The following CRIM1 variants were observed in gnomAD, a reference collection of about 807,000 sequenced individuals.
The protein encoded by CRIM1 is cysteine-rich motor neuron 1 protein.
In CRIM1, 32 loss-of-function variants were observed where a neutral mutation model predicts 116.4. The observed-to-expected ratio is 0.27, with a 90% confidence interval of 0.21 to 0.37. The LOEUF is 0.37. Ranked by LOEUF, CRIM1 falls within the 10% of genes least tolerant of loss-of-function variation. The pLI, the probability that CRIM1 is intolerant of heterozygous loss-of-function variation, is 1.00. For synonymous variants in CRIM1, 590 were observed against 509.2 expected (o/e 1.16, Z -2.13); for missense variants, 1,331 against 1,354.8 (o/e 0.98, Z 0.28).
chr2:36,451,145 T>C (rs920247451), intron 4 of CRIM1, among the ~76,000 whole-genome samples: 10 of 152,328 alleles, frequency 6.6e-5, no homozygotes, highest in Admixed American at 2.0e-4. Flanking sequence ...GAGGACCTCA[T>C]GGAAGGCAGA....
chr2:36,430,947 T>C (rs1235907008), intron 2 of CRIM1, among the ~76,000 whole-genome samples: 1 of 152,212 alleles, frequency 6.6e-6, no homozygotes, highest in Admixed American at 6.5e-5. Context: ...AGAAATTACC[T>C]ATATAAGGCT....
At chr2:36,535,689 G>GTATC (rs754936942) in intron 13 of CRIM1, among the ~76,000 whole-genome samples, 5 of 152,142 alleles carry the variant, frequency 3.3e-5, no homozygotes, top group Admixed American at 1.3e-4. Context: ...ATTGAGATTT[G>GTATC]TATCTGTGGA....
intron 7 of CRIM1, among the ~76,000 whole-genome samples, chr2:36,482,373 A>G (rs565276337): frequency 1.3e-5 from 2 of 152,356 alleles, no homozygotes; most frequent in East Asian, 3.9e-4. Context: ...TGCACAGCTT[A>G]AGATAATGAT....
rs1668770903 is a variant in CRIM1 at position 36,356,050 on chromosome 2, A to G, written c.-243A>G. ...TTTCCCCCTCCCTCCCGGGAGGAGG[A>G]GGAGGAGGAGGAGGGGAAGCTGCCG... On this transcript the variant is annotated 5_prime_UTR_variant, in exon 1 of 17. Transcript: ENST00000280527. The surrounding 1 kb of genome is among the most constrained non-coding windows in gnomAD (Gnocchi z 4.3). 6.6e-6 allele frequency: 1 copy of G among 152,032 alleles called. No homozygotes were observed. Among genetic ancestry groups the G allele is most frequent in the Non-Finnish European group, 1.4e-5 (1 of 69,390 alleles). The allele number at this position is 152,032 out of a possible 1,614,324, so 9.4% of individuals were successfully genotyped here.
chr2:36,515,297 T>C (rs1410490165), intron 11 of CRIM1, among the ~76,000 whole-genome samples: 3 of 152,220 alleles, frequency 2.0e-5, no homozygotes, highest in Non-Finnish European at 2.9e-5. Context: ...ACCAGAAAGA[T>C]CTTTCTCTAT....
chr2:36,408,309 A>G (rs768215564), intron 2 of CRIM1, among the ~76,000 whole-genome samples: 1 of 151,872 alleles, frequency 6.6e-6, no homozygotes, highest in Non-Finnish European at 1.5e-5. Flanking sequence ...AGCCCTGAGC[A>G]CTCCTGCGCG....
intron 7 of CRIM1, among the ~76,000 whole-genome samples, chr2:36,494,183 A>G (rs1210316301): frequency 6.6e-6 from 1 of 152,208 alleles, no homozygotes; most frequent in Non-Finnish European, 1.5e-5. Context: ...TTAACTTTAT[A>G]TTTTTAATCA....
chr2:36,512,815 T>C (rs1664781031), intron 10 of CRIM1, among the ~76,000 whole-genome samples: 1 of 152,210 alleles, frequency 6.6e-6, no homozygotes, highest in Admixed American at 6.5e-5. Flanking sequence ...AGATAACAGT[T>C]TTCCATGAGA....
intron 13 of CRIM1, among the ~76,000 whole-genome samples, chr2:36,528,369 G>C (rs1665897167): frequency 6.6e-6 from 1 of 152,222 alleles, no homozygotes; most frequent in Admixed American, 6.5e-5. Context: ...TCGTAACCCA[G>C]GTAGAAACAG....
intron 7 of CRIM1, among the ~76,000 whole-genome samples, chr2:36,493,356 G>T (rs947636057): frequency 6.6e-6 from 1 of 152,216 alleles, no homozygotes; most frequent in Admixed American, 6.5e-5. Flanking sequence ...GGGTGTGTGT[G>T]CATATGAATG....
chr2:36,517,861 T>C (rs969203609), intron 12 of CRIM1, among the ~76,000 whole-genome samples: 1 of 152,186 alleles, frequency 6.6e-6, no homozygotes, highest in Non-Finnish European at 1.5e-5. Flanking sequence ...CGCACCAAAT[T>C]AACCAAACGA....
chr2:36,540,747 G>C (rs1416384668), intron 14 of CRIM1, among the ~76,000 whole-genome samples: 1 of 152,180 alleles, frequency 6.6e-6, no homozygotes, highest in Non-Finnish European at 1.5e-5. Flanking sequence ...GTGCAGGAAG[G>C]ACTAAAGCAG....
At chr2:36,495,299 C>A (rs1422252083) in intron 7 of CRIM1, among the ~76,000 whole-genome samples, 1 of 152,010 alleles carries the variant, frequency 6.6e-6, no homozygotes, top group East Asian at 1.9e-4. Flanking sequence ...GTCTTCAGAC[C>A]AAAATCCGAC....
chr2:36,539,708 G>T (rs1420758189), intron 14 of CRIM1, among the ~76,000 whole-genome samples: 2 of 152,164 alleles, frequency 1.3e-5, no homozygotes, highest in South Asian at 4.1e-4. Flanking sequence ...CATATGAGTC[G>T]CATCAGTAGG....
At chr2:36,471,353 CT>C (rs1678497662) in intron 5 of CRIM1, among the ~76,000 whole-genome samples, 3 of 152,132 alleles carry the variant, frequency 2.0e-5, no homozygotes, top group Admixed American at 2.0e-4. Flanking sequence ...ACAAAGAAAT[CT>C]TTCATGAAAG....
intron 9 of CRIM1, 40 bp downstream of exon 9, chr2:36,510,179 A>T: frequency 6.3e-7 from 1 of 1,576,968 alleles, no homozygotes. Flanking sequence ...TATGAAGTGC[A>T]ACTTGGTGAA....
At chr2:36,475,655 C>G (rs2125037544) in intron 5 of CRIM1, among the ~76,000 whole-genome samples, 1 of 152,262 alleles carries the variant, frequency 6.6e-6, no homozygotes, top group South Asian at 2.1e-4. Context: ...TTGTCTTGTT[C>G]CTGATCTTAG....
At chr2:36,495,505 A>C in intron 7 of CRIM1, among the ~76,000 whole-genome samples, 1 of 147,792 alleles carries the variant, frequency 6.8e-6, no homozygotes, top group Non-Finnish European at 1.5e-5. Flanking sequence ...TTGGATGAGA[A>C]ACAGTCATAC....
intron 10 of CRIM1, 198 bp from the exon 11 acceptor site, chr2:36,513,358 G>GT (rs888887796): frequency 1.8e-6 from 1 of 558,730 alleles, no homozygotes; most frequent in African/African-American, 1.9e-5. Flanking sequence ...CTATTTGCCG[G>GT]TTTTTTTCTC....
Sources: allele counts gnomAD v4.1 joint callset (sites outside exome capture counted in the v4.1 genomes callset), GRCh38; gene constraint gnomAD v4.1.1; non-coding constraint Gnocchi (gnomAD v3.1); transcripts MANE v1.5; gene names NCBI Gene and HGNC (gene_info 2026-07-23, HGNC 2026-07-21).